TADA2A: variants seen among roughly 807,000 people sequenced by gnomAD.
The protein encoded by TADA2A is transcriptional adaptor 2A, also known as transcriptional adapter 2-alpha.
Under a neutral mutation model 67.4 loss-of-function variants are expected in TADA2A, and 38 were observed. The ratio of observed to expected loss-of-function variants is 0.56; its 90% CI spans 0.44 to 0.74. The LOEUF is 0.74. TADA2A is among the 30% of genes least tolerant of loss of function. The pLI is 0.00. For missense variants in TADA2A, 454 were observed against 547.0 expected (o/e 0.83, Z 1.70); for synonymous variants, 192 against 181.6 (o/e 1.06, Z -0.46).
chr17:37,408,566 GA>G (rs545109651), intron 1 of TADA2A: 129 of 152,262 alleles, frequency 8.5e-4, no homozygotes, highest in African/African-American at 3.0e-3. Flanking sequence ...ATCTGTATTT[GA>G]AATGACACAG....
chr17:37,471,944 T>C (rs1009912383), intron 14 of TADA2A, among the ~76,000 whole-genome samples: 1 of 152,220 alleles, frequency 6.6e-6, no homozygotes, highest in Non-Finnish European at 1.5e-5. Context: ...GAAATTAGTA[T>C]ACAGAGCAAG....
intron 2 of TADA2A, among the ~76,000 whole-genome samples, chr17:37,414,079 T>C (rs2051963857): frequency 6.6e-6 from 1 of 152,172 alleles, no homozygotes; most frequent in African/African-American, 2.4e-5. Flanking sequence ...GTTAGTTTGC[T>C]TAGGATAATG....
At position 37,477,093 on chromosome 17, in the gene TADA2A, A is replaced by G; in HGVS notation, c.*111A>G. The G allele has an allele frequency of 1.7e-6, 2 of 1,159,098 alleles. No individual in the cohort carries two copies. Among genetic ancestry groups the G allele is most frequent in the Non-Finnish European group, 2.4e-6 (2 of 825,728 alleles). The allele number at this position is 1,159,098 out of a possible 1,614,324, so 71.8% of individuals were successfully genotyped here. A position where few individuals can be genotyped will look rare whatever the true frequency, so the allele number is the denominator to read the frequency against. On this transcript the variant is annotated 3_prime_UTR_variant, in exon 16 of 16. Transcript: ENST00000615182. The stretch of plus-strand genomic sequence containing the variant: ...TTTTCAGCTGAATTCTCATGGTGAA[A>G]ACAGGGGAAAGGACAAAGGAAACCT...
rs7211471 is a variant in TADA2A, at chr17:37,469,548, G to T, written c.896-852G>T. Among the ~76,000 whole-genome samples the T allele has an allele frequency of 7.2e-3, 1,102 of 152,184 alleles. 10 individuals are homozygous for T. Among genetic ancestry groups the T allele is most frequent in the African/African-American group, 0.025 (1,041 of 41,538 alleles). ...CTCCGGAGGCTGAGGCAGGAGAATGGCTTGAACCTGGGAGGTGGAGGTTGC... is the reference window on the plus strand; with the variant it reads ...CTCCGGAGGCTGAGGCAGGAGAATGTCTTGAACCTGGGAGGTGGAGGTTGC... On this transcript the variant is annotated intron_variant, in intron 12 of 15. Coordinates refer to ENST00000615182, the MANE Select transcript of TADA2A (RefSeq NM_001166105.3).
chr17:37,468,868 T>C (rs4795203), intron 12 of TADA2A, among the ~76,000 whole-genome samples: 110,179 of 151,882 alleles, frequency 0.73, 40,593 homozygotes, highest in East Asian at 0.97. Flanking sequence ...TTATTGATAG[T>C]TGTCACCTAC....
chr17:37,447,447 G>A (rs564278728), intron 8 of TADA2A, among the ~76,000 whole-genome samples: 4 of 152,192 alleles, frequency 2.6e-5, no homozygotes, highest in African/African-American at 7.2e-5. Context: ...TAGCCACCGC[G>A]TCCGGCCCTA....
At chr17:37,439,619 C>T (rs1237205296) in intron 5 of TADA2A, among the ~76,000 whole-genome samples, 4 of 152,020 alleles carry the variant, frequency 2.6e-5, no homozygotes, top group Non-Finnish European at 4.4e-5. Flanking sequence ...TTTTGGGCCT[C>T]ATTTTTCCTT....
chr17:37,413,353 T>C (rs1437726501), intron 2 of TADA2A, among the ~76,000 whole-genome samples: 2 of 152,178 alleles, frequency 1.3e-5, no homozygotes, highest in Non-Finnish European at 2.9e-5. Context: ...TAGAGAAATC[T>C]AAGTGGACTG....
At chr17:37,459,831 C>T (rs1469843192) in intron 9 of TADA2A, among the ~76,000 whole-genome samples, 1 of 151,284 alleles carries the variant, frequency 6.6e-6, no homozygotes, top group Admixed American at 6.6e-5. Context: ...TTTGGGAGGC[C>T]GAGGCTGGTG....
At chr17:37,444,808 T>C in intron 8 of TADA2A, 40 bp downstream of exon 8, 1 of 1,562,726 alleles carries the variant, frequency 6.4e-7, no homozygotes, top group African/African-American at 1.3e-5. Flanking sequence ...GAGCGCCAAC[T>C]GTGTGATGAC....
intron 8 of TADA2A, among the ~76,000 whole-genome samples, chr17:37,456,280 G>A (rs1206518630): frequency 2.6e-5 from 4 of 152,230 alleles, no homozygotes; most frequent in African/African-American, 7.2e-5. Flanking sequence ...TGAACTGTAC[G>A]TGGATGGGAA....
At position 37,470,416 on chromosome 17, in the gene TADA2A, T is replaced by C; in HGVS notation, c.912T>C (p.Asp304=). 6.2e-7 allele frequency: 1 copy of C among 1,613,758 alleles called. No individual in the cohort carries two copies. Among genetic ancestry groups the C allele is most frequent in the Non-Finnish European group, 8.5e-7 (1 of 1,179,880 alleles). ...TACCCCCAGGTGCCAGAACCTACGA[T>C]CACCTCAAGAAGACACGGGAGGAAG... ...ITNFCSARTY[D]HLKKTREEER... Residue 304 remains aspartate, a synonymous_variant, in exon 13 of 16, where the codon GAT becomes GAC. Coordinates refer to ENST00000615182, the MANE Select transcript of TADA2A (RefSeq NM_001166105.3).
At chr17:37,457,391 GGC>G (rs987566775) in intron 8 of TADA2A, among the ~76,000 whole-genome samples, 44 of 151,184 alleles carry the variant, frequency 2.9e-4, no homozygotes, top group African/African-American at 1.0e-3. Flanking sequence ...ATATTGGCCA[GGC>G]TGATCTTGAA....
intron 1 of TADA2A, among the ~76,000 whole-genome samples, chr17:37,409,390 G>A (rs2051785335): frequency 6.6e-6 from 1 of 152,116 alleles, no homozygotes; most frequent in Admixed American, 6.6e-5. Flanking sequence ...CACCCAGCCT[G>A]CTTTCACTTA....
intron 12 of TADA2A, among the ~76,000 whole-genome samples, chr17:37,469,355 T>C (rs1302756392): frequency 6.6e-6 from 1 of 150,952 alleles, no homozygotes; most frequent in Non-Finnish European, 1.5e-5. Context: ...AAAAGTGGGC[T>C]GGGCACGGTG....
intron 2 of TADA2A, among the ~76,000 whole-genome samples, chr17:37,412,951 G>A (rs978792993): frequency 1.3e-5 from 2 of 151,732 alleles, no homozygotes; most frequent in African/African-American, 2.4e-5. Flanking sequence ...TTTTTGAGAT[G>A]GAGTCTTGCT....
chr17:37,416,907 C>G (rs780618564), intron 2 of TADA2A, among the ~76,000 whole-genome samples: 1 of 151,480 alleles, frequency 6.6e-6, no homozygotes, highest in Non-Finnish European at 1.5e-5. Context: ...TCTCTTGTTT[C>G]CTGTTATCTC....
Position 37,407,106 on chromosome 17 carries a change from GC to G in TADA2A, c.-98+159del, listed in dbSNP as rs1308258151. On this transcript the variant is annotated intron_variant, in intron 1 of 15. Coordinates refer to ENST00000615182, the MANE Select transcript of TADA2A (RefSeq NM_001166105.3). Reference sequence around the variant, plus strand: ...CGGGCTTGACGCGGCAGGCTGGCGGGCCGGCGGGCGGGCAGCGGCGGGCCTC... The same window carrying G: ...CGGGCTTGACGCGGCAGGCTGGCGGGCGGCGGGCGGGCAGCGGCGGGCCTC... The G allele has an allele frequency of 1.7e-3, 255 of 147,802 alleles. 2 individuals are homozygous for G. Among genetic ancestry groups the G allele is most frequent in the African/African-American group, 6.1e-3 (249 of 40,590 alleles). The allele number at this position is 147,802 out of a possible 1,614,324, so 9.2% of individuals were successfully genotyped here.
At chr17:37,454,194 G>C (rs1262519699) in intron 8 of TADA2A, 1 of 153,816 alleles carries the variant, frequency 6.5e-6, no homozygotes, top group Non-Finnish European at 1.5e-5. Context: ...TGCAGTTTCA[G>C]CAGGTACAAG....
Sources: gnomAD v4.1 joint callset for allele counts (sites outside exome capture counted in the v4.1 genomes callset) on GRCh38, gnomAD v4.1.1 for gene constraint, MANE v1.5 for transcripts, NCBI Gene and HGNC (gene_info 2026-07-23, HGNC 2026-07-21) for gene names.